The following PRCD variants were observed in gnomAD, a reference collection of about 807,000 sequenced individuals.
The protein encoded by PRCD is photoreceptor disk component PRCD.
PRCD carries 12 observed loss-of-function variants against 10.1 expected under a neutral mutation model. The observed-to-expected ratio is 1.18, with a 90% CI of 0.76 to 1.92. The LOEUF is 1.92. Among genes scored for constraint, PRCD ranks in the 40% most tolerant of loss-of-function variants. PRCD has a pLI of 0.00. For missense variants in PRCD, 61 were observed against 72.2 expected (o/e 0.84, Z 0.56); for synonymous variants, 31 against 26.2 (o/e 1.18, Z -0.56).
rs375562952 is a variant in PRCD at position 76,531,181 on chromosome 17, C to A, written n.45+3348C>A. ...GAGGAAGGGGGAGTGAACGCCCGGGCGCCCTGCGTCCTGCAACCCCCAGGC... is the reference window on the plus strand; with the variant it reads ...GAGGAAGGGGGAGTGAACGCCCGGGAGCCCTGCGTCCTGCAACCCCCAGGC... On this transcript the variant is annotated intron_variant and non_coding_transcript_variant, in intron 1 of 4. Coordinates refer to the PRCD transcript ENST00000397633. This position sits in a 1 kb window ranked among gnomAD's most constrained non-coding sequence, Gnocchi z 7.4. 6.3e-7 allele frequency: 1 copy of A among 1,590,500 alleles called. No homozygotes were observed. Among genetic ancestry groups the A allele is most frequent in the Admixed American group, 1.7e-5 (1 of 58,510 alleles).
At chr17:76,534,290 T>C (rs995770023) in intron 1 of PRCD, among the ~76,000 whole-genome samples, 7 of 151,980 alleles carry the variant, frequency 4.6e-5, no homozygotes, top group African/African-American at 1.7e-4. Context: ...GATTCTCCTG[T>C]CTCAGCCTCA....
At chr17:76,547,882 TACACATAC>T (rs1449788938), downstream of PRCD, among the ~76,000 whole-genome samples, 2 of 145,652 alleles carry the variant, frequency 1.4e-5, no homozygotes, top group South Asian at 2.2e-4. Context: ...TTCACACACA[TACACATAC>T]ACACAGACAC....
chr17:76,528,919 T>C lies in PRCD; in HGVS notation n.45+1086T>C. On this transcript the variant is annotated intron_variant and non_coding_transcript_variant, in intron 1 of 4. Transcript: ENST00000397633. The surrounding 1 kb of genome is among the most constrained non-coding windows in gnomAD (Gnocchi z 5.8). The stretch of plus-strand genomic sequence containing the variant: ...CACAAACTGCAAAGCACGATACCAA[T>C]GTGAGCTCTTTTTCCATTAATTCTG... 2.6e-6 allele frequency: 3 copies of C among 1,165,870 alleles called. No individual in the cohort carries two copies. The highest frequency in any genetic ancestry group is 3.2e-6 in the Non-Finnish European group (3 of 946,628). The allele number at this position is 1,165,870 out of a possible 1,614,324, so 72.2% of individuals were successfully genotyped here. A position where few individuals can be genotyped will look rare whatever the true frequency, so the allele number is the denominator to read the frequency against.
chr17:76,537,458 C>A (rs770852219), upstream of PRCD: 7 of 1,597,938 alleles, frequency 4.4e-6, no homozygotes, highest in East Asian at 1.4e-4. Context: ...GCCCACATAG[C>A]CTGCACCGCC....
At chr17:76,548,738 CT>C (rs2075080064), downstream of PRCD, among the ~76,000 whole-genome samples, 1 of 152,258 alleles carries the variant, frequency 6.6e-6, no homozygotes, top group Non-Finnish European at 1.5e-5. Context: ...CTGTAATGAA[CT>C]GTGTCTGGAG....
Position 76,530,909 on chromosome 17 carries a change from T to G in PRCD, n.45+3076T>G. On this transcript the variant is annotated intron_variant and non_coding_transcript_variant, in intron 1 of 4. Coordinates refer to the PRCD transcript ENST00000397633. The surrounding 1 kb of genome is among the most constrained non-coding windows in gnomAD (Gnocchi z 6.1). Reference sequence around the variant, plus strand: ...ATCAGCCCCAGGGCCTCAGGAGATATGGGAGACCTCGGGGACAGCAGAGGA... The same window carrying G: ...ATCAGCCCCAGGGCCTCAGGAGATAGGGGAGACCTCGGGGACAGCAGAGGA... 6.8e-7 allele frequency: 1 copy of G among 1,478,164 alleles called. No homozygotes were observed. Among genetic ancestry groups the G allele is most frequent in the African/African-American group, 1.4e-5 (1 of 70,916 alleles). 91.6% of individuals were successfully genotyped at this position (1,478,164 alleles called of 1,614,324 possible).
chr17:76,542,342 T>C (rs1567912035), intron 2 of PRCD, among the ~76,000 whole-genome samples: 1 of 152,238 alleles, frequency 6.6e-6, no homozygotes, highest in Non-Finnish European at 1.5e-5. Flanking sequence ...AGGAACCACC[T>C]GCCGATGGTG....
At chr17:76,543,715 A>G in intron 4 of PRCD, 88 bp from the exon 5 acceptor site, 5 of 466,758 alleles carry the variant, frequency 1.1e-5, no homozygotes, top group Non-Finnish European at 2.2e-5. Context: ...CCCAGGAGCT[A>G]TTCTGTTAAG....
downstream of PRCD, chr17:76,546,072 G>C (rs1315093720): frequency 6.6e-6 from 1 of 152,526 alleles, no homozygotes; most frequent in African/African-American, 2.4e-5. This position sits in a 1 kb window ranked among gnomAD's most constrained non-coding sequence, Gnocchi z 4.5. Flanking sequence ...CTCCCAGCTG[G>C]CTCTGCTTCC....
intron 1 of PRCD, among the ~76,000 whole-genome samples, chr17:76,532,315 G>A (rs1362282056): frequency 6.6e-6 from 1 of 152,134 alleles, no homozygotes; most frequent in African/African-American, 2.4e-5. Context: ...CCTCGGGTGA[G>A]CCACATTCCT....
rs1402097689 is a variant in PRCD, at chr17:76,533,375, C to T, written n.45+5542C>T. On this transcript the variant is annotated intron_variant and non_coding_transcript_variant, in intron 1 of 4. Coordinates refer to the PRCD transcript ENST00000397633. The surrounding 1 kb of genome is among the most constrained non-coding windows in gnomAD (Gnocchi z 4.5). ...GTAATGAGGGACAAATGTGAAAAAC[C>T]CAATTTGGACTTAAACAAGCATCTC... is the stretch of plus-strand genomic sequence containing the variant. Among the ~76,000 whole-genome samples, 2 of 152,112 alleles carry T rather than the reference C, an allele frequency of 1.3e-5. No homozygotes were observed. The highest frequency in any genetic ancestry group is 2.9e-5 in the Non-Finnish European group (2 of 68,026).
intron 1 of PRCD, among the ~76,000 whole-genome samples, chr17:76,535,012 A>T (rs899638939): frequency 6.6e-6 from 1 of 152,240 alleles, no homozygotes; most frequent in Non-Finnish European, 1.5e-5. Context: ...CTGGGCTTCC[A>T]AGAGAGCCTG....
chr17:76,540,259 G>GT lies in PRCD; in HGVS notation c.74+44_74+45insT. ...TATGGCTGGCGGTTGGTCGGGGGGG[G>GT]GGGGCATGGGGCTGGGCTGCCACCA... is the stretch of plus-strand genomic sequence containing the variant. On this transcript the variant is annotated intron_variant, in intron 1 of 4. Coordinates refer to ENST00000592014, the MANE Select transcript of PRCD (RefSeq NM_001077620.3). This position sits in a 1 kb window ranked among gnomAD's most constrained non-coding sequence, Gnocchi z 5.0. 1 of 1,026,674 alleles carries GT rather than the reference G, an allele frequency of 9.7e-7. No homozygotes were observed. Among genetic ancestry groups the GT allele is most frequent in the South Asian group, 1.4e-5 (1 of 72,802 alleles). 63.6% of individuals were successfully genotyped at this position (1,026,674 alleles called of 1,614,324 possible).
chr17:76,548,198 CACAT>C (rs1270239255), downstream of PRCD, among the ~76,000 whole-genome samples: 32 of 151,948 alleles, frequency 2.1e-4, no homozygotes, highest in African/African-American at 7.0e-4. Context: ...CACATTTACA[CACAT>C]ACAGACATAT....
intron 1 of PRCD, chr17:76,529,966 G>A: frequency 1.0e-6 from 1 of 985,346 alleles, no homozygotes; most frequent in South Asian, 4.7e-5. Flanking sequence ...CAGCAGGAAG[G>A]GCAGGAGGCC....
Position 76,544,764 on chromosome 17 carries a change from TG to T in PRCD, c.*1115del, listed in dbSNP as rs1256258861. On this transcript the variant is annotated 3_prime_UTR_variant, in exon 5 of 5. Transcript: ENST00000592014. ...ATCTGCATTTATTCTCTATTTGCCA[TG>T]TTCCTGTCACCTCATCCTTGCTGCC... 1 of 456,804 alleles carries T rather than the reference TG, an allele frequency of 2.2e-6. No individual in the cohort carries two copies. The highest frequency in any genetic ancestry group is 1.5e-5 in the South Asian group (1 of 64,572). The allele number at this position is 456,804 out of a possible 1,614,324, so 28.3% of individuals were successfully genotyped here.
At position 76,528,588 on chromosome 17, in the gene PRCD, G is replaced by T; in HGVS notation, n.45+755G>T. On this transcript the variant is annotated intron_variant and non_coding_transcript_variant, in intron 1 of 4. Coordinates refer to the PRCD transcript ENST00000397633. This position sits in a 1 kb window ranked among gnomAD's most constrained non-coding sequence, Gnocchi z 5.8. Reference sequence around the variant, plus strand: ...GTGGAGTTAGGGGTCCTACGGCCCCGAAGAGGGCAGTGTGGCCGGTGGGCT... The same window carrying T: ...GTGGAGTTAGGGGTCCTACGGCCCCTAAGAGGGCAGTGTGGCCGGTGGGCT... The T allele has an allele frequency of 5.4e-6, 7 of 1,288,052 alleles. No homozygotes were observed. Among genetic ancestry groups the T allele is most frequent in the Non-Finnish European group, 6.9e-6 (7 of 1,009,678 alleles). The allele number at this position is 1,288,052 out of a possible 1,614,324, so 79.8% of individuals were successfully genotyped here.
chr17:76,544,410 C>G lies in PRCD; in HGVS notation c.*760C>G, dbSNP rs2278639. On this transcript the variant is annotated 3_prime_UTR_variant, in exon 5 of 5. Transcript: ENST00000592014. ...AGAGCAGAGGGAACCGCTGGGGAGG[C>G]GCTCAGGGTGGGGGAGGAGGTGCAC... 2.2e-6 allele frequency: 1 copy of G among 454,648 alleles called. No individual in the cohort carries two copies. The allele number at this position is 454,648 out of a possible 1,614,324, so 28.2% of individuals were successfully genotyped here. A position where few individuals can be genotyped will look rare whatever the true frequency, so the allele number is the denominator to read the frequency against.
downstream of PRCD, among the ~76,000 whole-genome samples, chr17:76,548,048 TCA>T (rs369585330): frequency 6.0e-5 from 9 of 148,842 alleles, no homozygotes; most frequent in Admixed American, 4.0e-4. Flanking sequence ...ATACGAACAT[TCA>T]CACACATACA....
Sources: gnomAD v4.1 joint callset for allele counts (sites outside exome capture counted in the v4.1 genomes callset) on GRCh38, gnomAD v4.1.1 for gene constraint, Gnocchi (gnomAD v3.1) non-coding constraint, MANE v1.5 for transcripts, NCBI Gene and HGNC (gene_info 2026-07-23, HGNC 2026-07-21) for gene names.